Variants in MRC1 observed in about 807,000 individuals in gnomAD.
The protein encoded by MRC1 is mannose receptor C-type 1, also known as macrophage mannose receptor 1.
Under a neutral mutation model 102.9 loss-of-function variants are expected in MRC1, and 62 were observed. The ratio of observed to expected loss-of-function variants is 0.60; its 90% CI spans 0.49 to 0.74. The LOEUF (loss-of-function observed/expected upper bound fraction) is 0.74, where lower values mean the gene tolerates loss of function less well. MRC1 is among the 30% of genes least tolerant of loss of function. The pLI is 0.00. For missense variants in MRC1, 1,237 were observed against 862.8 expected (o/e 1.43, Z -5.43); for synonymous variants, 457 against 298.4 (o/e 1.53, Z -5.48).
intron 9 of MRC1, among the ~76,000 whole-genome samples, chr10:17,859,753 A>G (rs916718987): frequency 3.9e-5 from 6 of 152,296 alleles, no homozygotes; most frequent in African/African-American, 1.4e-4. Flanking sequence ...GGAGTGCTTT[A>G]GAGATTCTCC....
At chr10:17,861,559 A>G (rs1833184483) in intron 10 of MRC1, 57 bp downstream of exon 10, 1 of 801,182 alleles carries the variant, frequency 1.2e-6, no homozygotes, top group Non-Finnish European at 2.3e-6. Flanking sequence ...AAGTTTCAGA[A>G]AAGCCCAAGT....
rs35118275 is a variant in MRC1 at position 17,903,392 on chromosome 10, C to CTTT, written c.3799+1289_3799+1291dup. Among the ~76,000 whole-genome samples the CTTT allele has an allele frequency of 5.7e-3, 504 of 88,838 alleles. 11 individuals carry two copies. Among genetic ancestry groups the CTTT allele is most frequent in the Middle Eastern group, 8.2e-3 (1 of 122 alleles). 58.3% of individuals were successfully genotyped at this position (88,838 alleles called of 152,430 possible). A position where few individuals can be genotyped will look rare whatever the true frequency, so the allele number is the denominator to read the frequency against. On this transcript the variant is annotated intron_variant, in intron 26 of 29. Transcript: ENST00000569591. ...TTTTCTTTTTCTTTTCTTTTTTTTT[C>CTTT]TTTTTTTTTTTTTTTTTTTTTGAGA...
chr10:17,819,429 G>A (rs978540281), intron 1 of MRC1, among the ~76,000 whole-genome samples: 1 of 150,706 alleles, frequency 6.6e-6, no homozygotes, highest in African/African-American at 2.5e-5. Flanking sequence ...ATGAATTAGG[G>A]TATATGTATG....
chr10:17,867,758 C>T (rs1304837997), intron 12 of MRC1, among the ~76,000 whole-genome samples: 4 of 152,146 alleles, frequency 2.6e-5, no homozygotes, highest in Non-Finnish European at 4.4e-5. Flanking sequence ...TTTCCTGTCA[C>T]GCTGTTGTAT....
At chr10:17,901,038 A>G in intron 25 of MRC1, 85 bp downstream of exon 25, 1 of 726,150 alleles carries the variant, frequency 1.4e-6, no homozygotes, top group Non-Finnish European at 2.5e-6. Context: ...ATTAAACAGT[A>G]ATGTGTCTTG....
At chr10:17,886,289 TTCC>T (rs1833592093) in intron 22 of MRC1, among the ~76,000 whole-genome samples, 1 of 149,782 alleles carries the variant, frequency 6.7e-6, no homozygotes. Flanking sequence ...GTTTTCTTCC[TTCC>T]TTCCTTCCTT....
chr10:17,870,798 A>G lies in MRC1; in HGVS notation c.2112-50A>G, dbSNP rs1260490041. On this transcript the variant is annotated intron_variant, in intron 13 of 29. Coordinates refer to ENST00000569591, the MANE Select transcript of MRC1 (RefSeq NM_002438.4). ...GTGGTTAGTCCTCATAAGTTACTGA[A>G]CTTGCTTCATGCAATAGCATATGCT... is the stretch of plus-strand genomic sequence containing the variant. 3.5e-6 allele frequency: 3 copies of G among 868,234 alleles called. No homozygotes were observed. In the African/African-American group the frequency reaches 4.9e-5, roughly 14 times the overall value. The allele number at this position is 868,234 out of a possible 1,614,324, so 53.8% of individuals were successfully genotyped here.
intron 5 of MRC1, among the ~76,000 whole-genome samples, chr10:17,843,966 T>C (rs565808051): frequency 3.9e-5 from 6 of 152,300 alleles, no homozygotes; most frequent in Admixed American, 2.0e-4. Flanking sequence ...GAAGCTAGTT[T>C]GGGGAGTACT....
chr10:17,899,760 A>G (rs1016317769), intron 24 of MRC1, among the ~76,000 whole-genome samples: 9 of 152,164 alleles, frequency 5.9e-5, no homozygotes, highest in Non-Finnish European at 1.2e-4. Flanking sequence ...GTTTATCAAT[A>G]TTTTGTATGT....
At chr10:17,825,860 A>G (rs913008940) in intron 2 of MRC1, among the ~76,000 whole-genome samples, 208 of 152,216 alleles carry the variant, frequency 1.4e-3, no homozygotes, top group Non-Finnish European at 2.4e-3. Context: ...CTTTGTACGA[A>G]GAAACAGTCA....
intron 27 of MRC1, 76 bp downstream of exon 27, chr10:17,907,075 AT>A: frequency 1.3e-6 from 1 of 760,320 alleles, no homozygotes; most frequent in Non-Finnish European, 2.5e-6. Context: ...CGTTTCCAAA[AT>A]GTGTTGCCTT....
At chr10:17,887,105 A>G (rs1404108593) in intron 22 of MRC1, among the ~76,000 whole-genome samples, 1 of 152,186 alleles carries the variant, frequency 6.6e-6, no homozygotes, top group Admixed American at 6.5e-5. Context: ...GTGTCTGTGA[A>G]GTAGCCATTC....
intron 5 of MRC1, among the ~76,000 whole-genome samples, chr10:17,844,195 C>G (rs995744455): frequency 2.6e-5 from 4 of 151,868 alleles, no homozygotes; most frequent in African/African-American, 9.7e-5. Context: ...TCTAGCTCTC[C>G]CATTAGCTTT....
chr10:17,824,051 T>C (rs1011967184), intron 2 of MRC1, among the ~76,000 whole-genome samples: 2 of 152,228 alleles, frequency 1.3e-5, no homozygotes, highest in Non-Finnish European at 2.9e-5. Flanking sequence ...TAAATTAATA[T>C]GCAGTCTATT....
At chr10:17,819,534 A>T (rs1838364478) in intron 1 of MRC1, among the ~76,000 whole-genome samples, 1 of 151,804 alleles carries the variant, frequency 6.6e-6, no homozygotes, top group African/African-American at 2.4e-5. Context: ...GGAGAGAGAG[A>T]GAGTTATTTA....
At chr10:17,909,565 AT>A (rs542028706) in intron 29 of MRC1, among the ~76,000 whole-genome samples, 9,864 of 146,224 alleles carry the variant, frequency 0.067, 1,056 homozygotes, top group African/African-American at 0.23. Context: ...TATTGAAGGC[AT>A]TTTTTTTTTT....
chr10:17,903,765 G>T (rs1405119648), intron 26 of MRC1, among the ~76,000 whole-genome samples: 1 of 151,742 alleles, frequency 6.6e-6, no homozygotes, highest in African/African-American at 2.4e-5. Context: ...TTGCCCTAGG[G>T]ATTACAACTA....
chr10:17,843,855 A>G (rs1403696299), intron 5 of MRC1, among the ~76,000 whole-genome samples: 1 of 152,156 alleles, frequency 6.6e-6, no homozygotes, highest in East Asian at 1.9e-4. Flanking sequence ...TCTTGCAGGA[A>G]AGGAAGTGAC....
chr10:17,908,463 C>T (rs1482382082), intron 28 of MRC1, among the ~76,000 whole-genome samples: 2 of 149,304 alleles, frequency 1.3e-5, no homozygotes, highest in Non-Finnish European at 3.0e-5. Flanking sequence ...TTAGTAGAGA[C>T]GGGGTAGAGT....
Sources: gnomAD v4.1 joint callset for allele counts (sites outside exome capture counted in the v4.1 genomes callset) on GRCh38, gnomAD v4.1.1 for gene constraint, MANE v1.5 for transcripts, NCBI Gene and HGNC (gene_info 2026-07-23, HGNC 2026-07-21) for gene names.